The following GRM8 variants were observed in gnomAD, a reference collection of about 807,000 sequenced individuals.
The protein encoded by GRM8 is metabotropic glutamate receptor 8.
A neutral mutation model predicts 87.2 loss-of-function variants in GRM8; 47 were observed. The ratio of observed to expected loss-of-function variants is 0.54; its 90% CI spans 0.43 to 0.69. The LOEUF (loss-of-function observed/expected upper bound fraction) is 0.69. GRM8 is among the 30% of genes least tolerant of loss of function. GRM8 has a pLI of 0.00. For synonymous variants in GRM8, 396 were observed against 404.5 expected, an observed-to-expected ratio of 0.98 and a Z score of 0.25; for missense variants, 1,019 against 1,139.2, an observed-to-expected ratio of 0.89 and a Z score of 1.52.
chr7:127,228,662 T>C (rs1293553051), intron 2 of GRM8: 1 of 151,966 alleles, frequency 6.6e-6, no homozygotes, highest in African/African-American at 2.4e-5. Context: ...AAATAATCAC[T>C]TAAAAAAAAA....
intron 3 of GRM8, among the ~76,000 whole-genome samples, chr7:127,094,146 T>C (rs1824421804): frequency 6.6e-6 from 1 of 152,366 alleles, no homozygotes; most frequent in East Asian, 1.9e-4. Flanking sequence ...TGTTTTTATA[T>C]TATGTTCTTC....
chr7:127,002,757 C>T (rs764585418), intron 3 of GRM8, among the ~76,000 whole-genome samples: 8 of 151,700 alleles, frequency 5.3e-5, no homozygotes, highest in Non-Finnish European at 1.0e-4. Context: ...GATTTTAAAA[C>T]ATTGAAAGCA....
intron 3 of GRM8, among the ~76,000 whole-genome samples, chr7:127,069,141 T>C (rs1821431374): frequency 6.6e-6 from 1 of 152,126 alleles, no homozygotes; most frequent in Non-Finnish European, 1.5e-5. Flanking sequence ...CACATTGTTG[T>C]CTCCATTGTA....
At chr7:126,677,973 C>T (rs1807166893) in intron 7 of GRM8, among the ~76,000 whole-genome samples, 1 of 152,144 alleles carries the variant, frequency 6.6e-6, no homozygotes, top group Non-Finnish European at 1.5e-5. Flanking sequence ...CGACTGATAA[C>T]TAGGGGCATG....
chr7:126,748,731 T>G (rs1816023780), intron 7 of GRM8, among the ~76,000 whole-genome samples: 1 of 151,944 alleles, frequency 6.6e-6, no homozygotes, highest in Non-Finnish European at 1.5e-5. Context: ...CTATTTGATT[T>G]CAATTCCTAA....
At chr7:126,603,965 T>G (rs148836520) in intron 8 of GRM8, among the ~76,000 whole-genome samples, 25 of 151,068 alleles carry the variant, frequency 1.7e-4, no homozygotes, top group Middle Eastern at 6.8e-3. Context: ...TGTTCCTCTA[T>G]GAAATTAATG....
chr7:126,678,874 T>C (rs1807261181), intron 7 of GRM8, among the ~76,000 whole-genome samples: 1 of 152,316 alleles, frequency 6.6e-6, no homozygotes, highest in Non-Finnish European at 1.5e-5. Flanking sequence ...ATAAAAATAT[T>C]GTAACTGGTA....
chr7:127,230,467 T>C (rs961034069), intron 2 of GRM8, among the ~76,000 whole-genome samples: 18 of 152,124 alleles, frequency 1.2e-4, no homozygotes, highest in African/African-American at 4.1e-4. Flanking sequence ...CCTCTCAGTT[T>C]GCACACTCCT....
At chr7:127,101,868 G>A (rs951532504) in intron 3 of GRM8, among the ~76,000 whole-genome samples, 69 of 152,136 alleles carry the variant, frequency 4.5e-4, no homozygotes, top group African/African-American at 1.5e-3. Context: ...GAAGAAGACA[G>A]GAAGATGAGG....
At chr7:126,989,194 C>T (rs2131929860) in intron 3 of GRM8, among the ~76,000 whole-genome samples, 1 of 152,214 alleles carries the variant, frequency 6.6e-6, no homozygotes. Flanking sequence ...TAAATCAAAC[C>T]TAAGTACATT....
chr7:126,777,673 C>A (rs1036897077), intron 6 of GRM8, among the ~76,000 whole-genome samples: 6 of 152,056 alleles, frequency 3.9e-5, no homozygotes, highest in African/African-American at 1.4e-4. Flanking sequence ...TAAACTTTTA[C>A]AGAAATACTG....
intron 6 of GRM8, among the ~76,000 whole-genome samples, chr7:126,783,323 A>G (rs761580574): frequency 5.3e-5 from 8 of 152,324 alleles, no homozygotes; most frequent in Admixed American, 1.3e-4. Context: ...TTCTTTCTCA[A>G]GAAGGATGTA....
chr7:126,706,964 T>C (rs912922100), intron 7 of GRM8, among the ~76,000 whole-genome samples: 1 of 152,114 alleles, frequency 6.6e-6, no homozygotes, highest in African/African-American at 2.4e-5. Flanking sequence ...GGCCACCTTA[T>C]AGCTGCTCTC....
chr7:126,667,997 C>A (rs562700219), intron 7 of GRM8, among the ~76,000 whole-genome samples: 1 of 152,310 alleles, frequency 6.6e-6, no homozygotes, highest in Non-Finnish European at 1.5e-5. Flanking sequence ...ACACCAGCAA[C>A]CTACTGAGAC....
intron 2 of GRM8, among the ~76,000 whole-genome samples, chr7:127,198,825 C>T (rs889859483): frequency 6.8e-6 from 1 of 147,294 alleles, no homozygotes; most frequent in African/African-American, 2.6e-5. Context: ...CAGGCAAGCA[C>T]CACCGTGCCT....
intron 9 of GRM8, among the ~76,000 whole-genome samples, chr7:126,503,546 G>T (rs190069310): frequency 2.0e-5 from 3 of 152,094 alleles, no homozygotes; most frequent in Admixed American, 2.0e-4. Flanking sequence ...TCTGTTGTTA[G>T]CAGATATTGT....
At chr7:127,023,521 T>A (rs1014059878) in intron 3 of GRM8, among the ~76,000 whole-genome samples, 1 of 152,126 alleles carries the variant, frequency 6.6e-6, no homozygotes, top group African/African-American at 2.4e-5. Flanking sequence ...CGGACAGTGG[T>A]ATTTAAGGAG....
At chr7:127,080,823 C>T (rs527555761) in intron 3 of GRM8, 17 of 152,300 alleles carry the variant, frequency 1.1e-4, no homozygotes, top group African/African-American at 3.6e-4. Flanking sequence ...GCTGGATCCT[C>T]GCTGCCTTTG....
In GRM8 at chr7:126,438,948, C is replaced by T. The variant is rs949669793; in HGVS notation, c.*171G>A. The T allele has an allele frequency of 1.7e-5, 10 of 571,952 alleles. No homozygotes were observed. The highest frequency in any genetic ancestry group is 1.5e-4 in the African/African-American group (8 of 53,642). 35.4% of individuals were successfully genotyped at this position (571,952 alleles called of 1,614,324 possible). On this transcript the variant is annotated 3_prime_UTR_variant, in exon 11 of 11. Transcript: ENST00000339582. The stretch of plus-strand genomic sequence containing the variant: ...ATTGTATAAAACGGGTTTCTTCACT[C>T]CCCGTTTATTGATACTTTTGGCTCA...
Sources: gnomAD v4.1 joint callset for allele counts (sites outside exome capture counted in the v4.1 genomes callset) on GRCh38, gnomAD v4.1.1 for gene constraint, MANE v1.5 for transcripts, NCBI Gene and HGNC (gene_info 2026-07-23, HGNC 2026-07-21) for gene names.